LTBP1: variants seen among roughly 807,000 people sequenced by gnomAD.
LTBP1 encodes latent-transforming growth factor beta-binding protein 1.
LTBP1 carries 129 observed loss-of-function variants against 207.6 expected under a neutral mutation model. That is an observed-to-expected ratio of 0.62 (90% CI 0.54 to 0.72). The LOEUF is 0.72. Among genes scored for constraint, LTBP1 ranks in the 30% least tolerant of loss-of-function variants. LTBP1 has a pLI of 0.00. For synonymous variants in LTBP1, 963 were observed against 833.7 expected (o/e 1.16, Z -2.67); for missense variants, 2,281 against 2,217.2 (o/e 1.03, Z -0.58).
chr2:33,187,443 G>A (rs1198184178), intron 6 of LTBP1, among the ~76,000 whole-genome samples: 5 of 152,088 alleles, frequency 3.3e-5, no homozygotes, highest in African/African-American at 9.7e-5. Flanking sequence ...CTAGTGGATC[G>A]CACAGTACCT....
chr2:33,259,497 T>C, intron 12 of LTBP1, 91 bp from the exon 13 acceptor site: 1 of 892,486 alleles, frequency 1.1e-6, no homozygotes, highest in Non-Finnish European at 1.7e-6. Context: ...TTTGCAGAGA[T>C]AATGGACTTC....
intron 5 of LTBP1, among the ~76,000 whole-genome samples, chr2:33,173,489 G>T (rs2085684909): frequency 6.6e-6 from 1 of 152,120 alleles, no homozygotes; most frequent in South Asian, 2.1e-4. Flanking sequence ...CCAATAACAG[G>T]CTCTGAAATG....
intron 5 of LTBP1, among the ~76,000 whole-genome samples, chr2:33,177,970 C>G (rs1239083879): frequency 1.3e-5 from 2 of 152,202 alleles, no homozygotes; most frequent in African/African-American, 4.8e-5. Flanking sequence ...ACCTGCACCC[C>G]TCTGTACCCC....
chr2:32,969,926 T>C (rs374811864), intron 2 of LTBP1, among the ~76,000 whole-genome samples: 19 of 152,298 alleles, frequency 1.2e-4, no homozygotes, highest in East Asian at 3.9e-4. Context: ...GCAGCTTCAC[T>C]GGCATCTGTT....
rs1300230547 is a variant in LTBP1, at chr2:33,115,035, T to C, written c.1033+4284T>C. Among the ~76,000 whole-genome samples the C allele has an allele frequency of 6.1e-5, 6 of 98,280 alleles. No individual in the cohort carries two copies. In the South Asian group the frequency reaches 2.3e-3, roughly 37 times the overall value. 64.5% of individuals were successfully genotyped at this position (98,280 alleles called of 152,430 possible). A position where few individuals can be genotyped will look rare whatever the true frequency, so the allele number is the denominator to read the frequency against. ...TGATGAAGGGATAAACAAACAGATA[T>C]ATACACACACACACACACACACACA... is the stretch of plus-strand genomic sequence containing the variant. On this transcript the variant is annotated intron_variant, in intron 4 of 33. Coordinates refer to ENST00000404816, the MANE Select transcript of LTBP1 (RefSeq NM_206943.4).
chr2:33,253,881 CTTTTTTT>C (rs61042956), intron 11 of LTBP1, among the ~76,000 whole-genome samples: 4 of 101,682 alleles, frequency 3.9e-5, no homozygotes, highest in Non-Finnish European at 1.9e-5. Context: ...ATCTGATGCA[CTTTTTTT>C]TTTTTTTTTT....
intron 9 of LTBP1, among the ~76,000 whole-genome samples, chr2:33,239,732 A>C (rs1295971199): frequency 8.3e-6 from 1 of 120,474 alleles, no homozygotes; most frequent in East Asian, 2.4e-4. Flanking sequence ...GTCTCTACTA[A>C]AAATACAAAA....
At chr2:33,008,033 CT>C (rs1274018418) in intron 2 of LTBP1, among the ~76,000 whole-genome samples, 5 of 151,952 alleles carry the variant, frequency 3.3e-5, no homozygotes, top group Admixed American at 6.6e-5. Context: ...TTTTCTTAGT[CT>C]TTTTTTTCCC....
intron 24 of LTBP1, among the ~76,000 whole-genome samples, chr2:33,338,529 C>T (rs568268243): frequency 6.6e-6 from 1 of 152,258 alleles, no homozygotes; most frequent in Non-Finnish European, 1.5e-5. Flanking sequence ...TTAAAGGTTC[C>T]TCACCCTGAG....
chr2:33,009,050 C>T (rs219180), intron 2 of LTBP1, among the ~76,000 whole-genome samples: 73,957 of 151,964 alleles, frequency 0.49, 20,214 homozygotes, highest in Non-Finnish European at 0.62. Context: ...TTGCATTTCA[C>T]TGAGTGAGGT....
intron 5 of LTBP1, among the ~76,000 whole-genome samples, chr2:33,147,335 C>G (rs771747344): frequency 2.0e-5 from 3 of 152,162 alleles, no homozygotes; most frequent in Non-Finnish European, 4.4e-5. Flanking sequence ...CATTATGGAT[C>G]TTATTAAATG....
intron 2 of LTBP1, among the ~76,000 whole-genome samples, chr2:32,972,436 A>G (rs899208830): frequency 1.3e-5 from 2 of 152,240 alleles, no homozygotes; most frequent in South Asian, 2.1e-4. Context: ...AGTTAGTGCT[A>G]TAAACTTTCA....
intron 5 of LTBP1, among the ~76,000 whole-genome samples, chr2:33,136,982 G>A (rs1270281324): frequency 6.6e-6 from 1 of 152,158 alleles, no homozygotes; most frequent in African/African-American, 2.4e-5. Context: ...TTTCACATTG[G>A]AAATTGTGGG....
At chr2:33,125,113 G>A (rs1484853838) in intron 4 of LTBP1, among the ~76,000 whole-genome samples, 1 of 152,184 alleles carries the variant, frequency 6.6e-6, no homozygotes, top group Non-Finnish European at 1.5e-5. Flanking sequence ...AATTTCCCAA[G>A]CGTATAGCAT....
chr2:32,961,303 G>T (rs1376933476), intron 2 of LTBP1, among the ~76,000 whole-genome samples: 2 of 152,218 alleles, frequency 1.3e-5, no homozygotes, highest in Non-Finnish European at 2.9e-5. Context: ...GCAGGGAGCT[G>T]CGAGGCTGCG....
chr2:33,222,204 A>G, intron 9 of LTBP1, 53 bp downstream of exon 9: 1 of 1,326,560 alleles, frequency 7.5e-7, no homozygotes, highest in Non-Finnish European at 1.1e-6. Context: ...TTGGCTTTTT[A>G]GAAACTTCAG....
At chr2:33,062,945 T>C (rs1000661303) in intron 3 of LTBP1, 2 of 152,368 alleles carry the variant, frequency 1.3e-5, no homozygotes, top group East Asian at 1.9e-4. Flanking sequence ...TTAAAACTTA[T>C]GAATTGTTTA....
chr2:33,336,127 C>G (rs1043001395), intron 24 of LTBP1, among the ~76,000 whole-genome samples: 1 of 152,082 alleles, frequency 6.6e-6, no homozygotes, highest in Non-Finnish European at 1.5e-5. Context: ...GACAGAGATG[C>G]CTAAGTCTTA....
chr2:33,023,991 A>G (rs2075296932), intron 3 of LTBP1, among the ~76,000 whole-genome samples: 1 of 152,234 alleles, frequency 6.6e-6, no homozygotes, highest in Non-Finnish European at 1.5e-5. Flanking sequence ...AAAGTATTCA[A>G]CTATATACAT....
Sources: allele counts gnomAD v4.1 joint callset (sites outside exome capture counted in the v4.1 genomes callset), GRCh38; gene constraint gnomAD v4.1.1; transcripts MANE v1.5; gene names NCBI Gene and HGNC (gene_info 2026-07-23, HGNC 2026-07-21).